PTK2B: variants seen among roughly 807,000 people sequenced by gnomAD.
PTK2B encodes the protein protein-tyrosine kinase 2-beta.
In PTK2B, 71 loss-of-function variants were observed where a neutral mutation model predicts 142.9. That is an observed-to-expected ratio of 0.50 (90% CI 0.41 to 0.61). The LOEUF is 0.61. Ranked by LOEUF, PTK2B falls within the 20% of genes least tolerant of loss-of-function variation. The pLI, the probability that PTK2B is intolerant of heterozygous loss-of-function variation, is 0.00. For missense variants in PTK2B, 1,105 were observed against 1,320.4 expected (o/e 0.84, Z 2.53); for synonymous variants, 519 against 503.4 (o/e 1.03, Z -0.42).
chr8:27,401,498 ATT>A (rs766276377), intron 2 of PTK2B, among the ~76,000 whole-genome samples: 20 of 152,224 alleles, frequency 1.3e-4, no homozygotes, highest in Non-Finnish European at 2.5e-4. Flanking sequence ...TATAAGTAAC[ATT>A]TAAGAGAGGT....
At chr8:27,414,246 GCTT>G (rs200492837) in intron 2 of PTK2B, among the ~76,000 whole-genome samples, 1,778 of 78,048 alleles carry the variant, frequency 0.023, 35 homozygotes, top group African/African-American at 0.087. Flanking sequence ...GGCTGTCACT[GCTT>G]CTTCTTTTTT....
intron 13 of PTK2B, 111 bp downstream of exon 13, chr8:27,434,670 G>A: frequency 8.0e-7 from 1 of 1,243,124 alleles, no homozygotes; most frequent in Non-Finnish European, 1.1e-6. Context: ...ACAGAAAAAT[G>A]ATCCTCTCCC....
chr8:27,435,910 A>T, intron 14 of PTK2B, 117 bp downstream of exon 14: 1 of 1,318,574 alleles, frequency 7.6e-7, no homozygotes, highest in African/African-American at 1.4e-5. Flanking sequence ...CCTTCGTGCT[A>T]GACTTAGACA....
At chr8:27,311,121 T>C, upstream of PTK2B, 1 of 1,601,258 alleles carries the variant, frequency 6.2e-7, no homozygotes, top group East Asian at 2.3e-5. Context: ...CGGCAGAAGT[T>C]GTGGCCGCAG....
At chr8:27,457,053 G>T (rs1812181394) in intron 30 of PTK2B, among the ~76,000 whole-genome samples, 2 of 152,244 alleles carry the variant, frequency 1.3e-5, no homozygotes, top group South Asian at 4.1e-4. Flanking sequence ...AAGTTCTCTA[G>T]AAGACCCAGC....
chr8:27,430,785 AGCAGTGG>A, intron 7 of PTK2B, 84 bp from the exon 8 acceptor site: 1 of 1,502,976 alleles, frequency 6.7e-7, no homozygotes. Flanking sequence ...ATCATTTTCG[AGCAGTGG>A]GCAGTCTCTC....
chr8:27,436,851 C>T (rs750155859), intron 15 of PTK2B, among the ~76,000 whole-genome samples: 1 of 152,210 alleles, frequency 6.6e-6, no homozygotes, highest in Non-Finnish European at 1.5e-5. Context: ...GCAGGTCACA[C>T]GGCCCCTCAG....
intron 28 of PTK2B, 31 bp downstream of exon 28, chr8:27,453,191 T>G: frequency 6.2e-7 from 1 of 1,613,248 alleles, no homozygotes; most frequent in East Asian, 2.2e-5. Flanking sequence ...AACTGATAAA[T>G]GAGAGTGGGG....
chr8:27,371,055 C>A (rs916750846), intron 1 of PTK2B, among the ~76,000 whole-genome samples: 3 of 152,070 alleles, frequency 2.0e-5, no homozygotes, highest in African/African-American at 7.2e-5. Context: ...GCCACCACAC[C>A]TAGCTAATTT....
intron 14 of PTK2B, among the ~76,000 whole-genome samples, chr8:27,436,015 G>A (rs1325103517): frequency 2.6e-5 from 4 of 152,132 alleles, no homozygotes; most frequent in Non-Finnish European, 5.9e-5. Context: ...AGCTGTGCGG[G>A]GATTCTAGTA....
intron 3 of PTK2B, 93 bp from the exon 4 acceptor site, chr8:27,420,564 A>G (rs1408494391): frequency 8.2e-7 from 1 of 1,213,446 alleles, no homozygotes; most frequent in East Asian, 2.3e-5. Flanking sequence ...CCTTTGCACT[A>G]GGGGATGGGC....
At chr8:27,335,834 G>A (rs573247257) in intron 1 of PTK2B, among the ~76,000 whole-genome samples, 2 of 152,146 alleles carry the variant, frequency 1.3e-5, no homozygotes, top group Non-Finnish European at 2.9e-5. Context: ...CAATCAGGGG[G>A]TGTGGGGACT....
rs1402821269 is a variant in PTK2B at position 27,433,420 on chromosome 8, G to A, written c.988-15G>A. On this transcript the variant is annotated splice_polypyrimidine_tract_variant and intron_variant, in intron 10 of 30. Coordinates refer to ENST00000346049, the MANE Select transcript of PTK2B (RefSeq NM_173176.3). Reference sequence around the variant, plus strand: ...GGCTCTGGGGTCTCACCCTTGGCTGGTCTCTGCTCCGCAGGCCTTGTCCAT... The same window carrying A: ...GGCTCTGGGGTCTCACCCTTGGCTGATCTCTGCTCCGCAGGCCTTGTCCAT... 2 of 1,608,322 alleles carry A rather than the reference G, an allele frequency of 1.2e-6. No individual in the cohort carries two copies. Among genetic ancestry groups the A allele is most frequent in the Non-Finnish European group, 1.7e-6 (2 of 1,174,912 alleles).
upstream of PTK2B, chr8:27,310,776 GC>G (rs1349690183): frequency 1.9e-6 from 3 of 1,548,390 alleles, no homozygotes; most frequent in Non-Finnish European, 2.6e-6. Flanking sequence ...CGGCTCGGCC[GC>G]CTCGTGCAAA....
intron 1 of PTK2B, among the ~76,000 whole-genome samples, chr8:27,385,139 T>A (rs1586207165): frequency 6.6e-6 from 1 of 152,106 alleles, no homozygotes; most frequent in East Asian, 1.9e-4. Context: ...CAGGGGGTAA[T>A]GGTACCTAGC....
intron 1 of PTK2B, among the ~76,000 whole-genome samples, chr8:27,326,016 A>T (rs1803390433): frequency 6.6e-6 from 1 of 151,988 alleles, no homozygotes; most frequent in Non-Finnish European, 1.5e-5. Context: ...CTGCCTCTAA[A>T]GCTCAGGTTA....
chr8:27,310,684 G>A, upstream of PTK2B: 1 of 1,220,742 alleles, frequency 8.2e-7, no homozygotes, highest in Non-Finnish European at 1.1e-6. Flanking sequence ...CCTGCATGCT[G>A]GGAGCGAGAC....
At chr8:27,425,723 T>G (rs765790970) in intron 5 of PTK2B, among the ~76,000 whole-genome samples, 2 of 152,232 alleles carry the variant, frequency 1.3e-5, no homozygotes, top group Non-Finnish European at 2.9e-5. Context: ...TCTACCATTA[T>G]AGCATTACGC....
At chr8:27,402,457 C>T (rs1276492305) in intron 2 of PTK2B, among the ~76,000 whole-genome samples, 3 of 152,004 alleles carry the variant, frequency 2.0e-5, no homozygotes, top group Non-Finnish European at 4.4e-5. Context: ...CCAGGTTGGT[C>T]GTAGACACTT....
Sources: gnomAD v4.1 joint callset for allele counts (sites outside exome capture counted in the v4.1 genomes callset) on GRCh38, gnomAD v4.1.1 for gene constraint, MANE v1.5 for transcripts, NCBI Gene and HGNC (gene_info 2026-07-23, HGNC 2026-07-21) for gene names.